ZNF736: variants seen among roughly 807,000 people sequenced by gnomAD.
ZNF736 encodes KRAB-containing zinc-finger repressor protein.
Under a neutral mutation model 11.7 loss-of-function variants are expected in ZNF736, and 6 were observed. The ratio of observed to expected loss-of-function variants is 0.51; its 90% CI spans 0.28 to 1.01. The LOEUF (loss-of-function observed/expected upper bound fraction) is 1.01, where lower values mean the gene tolerates loss of function less well. ZNF736 is among the 50% of genes least tolerant of loss of function. The pLI is 0.09. For synonymous variants in ZNF736, 139 were observed against 164.7 expected (o/e 0.84, Z 1.19); for missense variants, 444 against 496.0 (o/e 0.90, Z 1.00).
intron 1 of ZNF736, among the ~76,000 whole-genome samples, chr7:64,330,682 G>A (rs572862316): frequency 1.2e-4 from 18 of 152,220 alleles, no homozygotes; most frequent in South Asian, 1.0e-3. Flanking sequence ...GGTCTCACCC[G>A]CCGAAGGGCT....
rs555506460 is a variant in ZNF736 at position 64,353,644 on chromosome 7, G to A, written c.*4497G>A. On this transcript the variant is annotated 3_prime_UTR_variant, in exon 4 of 4. Transcript: ENST00000423484. Reference sequence around the variant, plus strand: ...ACAGATTTATATACTTTTCCATGGAGGATTAAGTAAACTGAAACCTAAGAC... The same window carrying A: ...ACAGATTTATATACTTTTCCATGGAAGATTAAGTAAACTGAAACCTAAGAC... 1.3e-5 allele frequency: 2 copies of A among 152,228 alleles called. No individual in the cohort carries two copies. Among genetic ancestry groups the A allele is most frequent in the Admixed American group, 6.5e-5 (1 of 15,288 alleles). 9.4% of individuals were successfully genotyped at this position (152,228 alleles called of 1,614,324 possible).
Position 64,354,207 on chromosome 7 carries a change from A to G in ZNF736, c.*5060A>G, listed in dbSNP as rs1369346787. On this transcript the variant is annotated 3_prime_UTR_variant, in exon 4 of 4. Transcript: ENST00000423484. ...TCTGAACAACTATTTATAAAATTTTATCCTACTTTTTTCTGTTGAACATAT... is the reference window on the plus strand; with the variant it reads ...TCTGAACAACTATTTATAAAATTTTGTCCTACTTTTTTCTGTTGAACATAT... 1 of 152,202 alleles carries G rather than the reference A, an allele frequency of 6.6e-6. No homozygotes were observed. The highest frequency in any genetic ancestry group is 1.5e-5 in the Non-Finnish European group (1 of 68,006). The allele number at this position is 152,202 out of a possible 1,614,324, so 9.4% of individuals were successfully genotyped here. A position where few individuals can be genotyped will look rare whatever the true frequency, so the allele number is the denominator to read the frequency against.
rs1290721975 is a variant in ZNF736, at chr7:64,352,348, AG to A, written c.*3203del. ...TTGCCAGCCCAAAAGCACCTGTAGGAGGTAGCTGGAAGCCCCTGTTGAAGGT... is the reference window on the plus strand; with the variant it reads ...TTGCCAGCCCAAAAGCACCTGTAGGAGTAGCTGGAAGCCCCTGTTGAAGGT... On this transcript the variant is annotated 3_prime_UTR_variant, in exon 4 of 4. Coordinates refer to ENST00000423484, the MANE Select transcript of ZNF736 (RefSeq NM_001170905.3). 1.3e-5 allele frequency: 2 copies of A among 152,166 alleles called. No homozygotes were observed. Among genetic ancestry groups the A allele is most frequent in the Admixed American group, 1.3e-4 (2 of 15,272 alleles). The allele number at this position is 152,166 out of a possible 1,614,324, so 9.4% of individuals were successfully genotyped here.
chr7:64,317,705 TTCAATCTCAA>T (rs1448188090), intron 1 of ZNF736, among the ~76,000 whole-genome samples: 1 of 152,142 alleles, frequency 6.6e-6, no homozygotes, highest in Non-Finnish European at 1.5e-5. Context: ...AACAGATGTA[TTCAATCTCAA>T]TCAGCTTTGA....
chr7:64,324,343 CG>C (rs964475190), intron 1 of ZNF736, among the ~76,000 whole-genome samples: 9 of 152,062 alleles, frequency 5.9e-5, no homozygotes, highest in Non-Finnish European at 1.0e-4. Flanking sequence ...AGGCAGGCCC[CG>C]GGCTGAAGGG....
chr7:64,354,461 G>A lies in ZNF736; in HGVS notation c.*5314G>A, dbSNP rs762197270. On this transcript the variant is annotated 3_prime_UTR_variant, in exon 4 of 4. Coordinates refer to ENST00000423484, the MANE Select transcript of ZNF736 (RefSeq NM_001170905.3). ...TTACCAGCAAACCAGAAACTTCAGA[G>A]ATTTTGAAAGCAAATCTATTTTCTC... 1.3e-5 allele frequency: 2 copies of A among 152,282 alleles called. No individual in the cohort carries two copies. Among genetic ancestry groups the A allele is most frequent in the Non-Finnish European group, 2.9e-5 (2 of 67,998 alleles). The allele number at this position is 152,282 out of a possible 1,614,324, so 9.4% of individuals were successfully genotyped here.
intron 3 of ZNF736, among the ~76,000 whole-genome samples, chr7:64,346,859 CAT>C (rs1392732831): frequency 1.3e-5 from 2 of 151,652 alleles, no homozygotes; most frequent in Admixed American, 1.3e-4. Flanking sequence ...CCATTTTACT[CAT>C]TGAGCATCAT....
chr7:64,340,065 C>G lies in ZNF736; in HGVS notation c.226+3083C>G, dbSNP rs572456987. 2.6e-5 allele frequency among the ~76,000 whole-genome samples: 4 copies of G among 152,202 alleles called. No individual in the cohort carries two copies. The South Asian group carries it at 8.3e-4, about 32-fold the overall frequency. ...TAATCCTGTCTTATTTCTTGGCAGACGGAATTGCCTTTAGGACTTGGATCT... is the reference window on the plus strand; with the variant it reads ...TAATCCTGTCTTATTTCTTGGCAGAGGGAATTGCCTTTAGGACTTGGATCT... On this transcript the variant is annotated intron_variant, in intron 3 of 3. Transcript: ENST00000423484.
At position 64,351,965 on chromosome 7, in the gene ZNF736, C is replaced by G. The variant is rs527632113; in HGVS notation, c.*2818C>G. The stretch of plus-strand genomic sequence containing the variant: ...TGCAGTTTGAGGTGTGAATAAGGCA[C>G]TTAGGGTTTGGGATTTTTTATTAGT... On this transcript the variant is annotated 3_prime_UTR_variant, in exon 4 of 4. Coordinates refer to ENST00000423484, the MANE Select transcript of ZNF736 (RefSeq NM_001170905.3). The G allele has an allele frequency of 6.6e-6, 1 of 152,220 alleles. No individual in the cohort carries two copies. Among genetic ancestry groups the G allele is most frequent in the South Asian group, 2.1e-4 (1 of 4,814 alleles). The allele number at this position is 152,220 out of a possible 1,614,324, so 9.4% of individuals were successfully genotyped here.
Position 64,348,071 on chromosome 7 carries a change from T to C in ZNF736, c.227-19T>C. On this transcript the variant is annotated intron_variant, in intron 3 of 3. Coordinates refer to ENST00000423484, the MANE Select transcript of ZNF736 (RefSeq NM_001170905.3). ...TTCACCTGAGTCTAATGAGGGAGAA[T>C]TTTATTTTTTTTCTCCAGCTGGTTC... is the stretch of plus-strand genomic sequence containing the variant. The C allele has an allele frequency of 6.8e-7, 1 of 1,470,520 alleles. No homozygotes were observed. Among genetic ancestry groups the C allele is most frequent in the Non-Finnish European group, 9.0e-7 (1 of 1,115,906 alleles). The allele number at this position is 1,470,520 out of a possible 1,614,324, so 91.1% of individuals were successfully genotyped here. A position where few individuals can be genotyped will look rare whatever the true frequency, so the allele number is the denominator to read the frequency against.
At chr7:64,341,555 CTG>C (rs1789338051) in intron 3 of ZNF736, among the ~76,000 whole-genome samples, 1 of 152,112 alleles carries the variant, frequency 6.6e-6, no homozygotes, top group Non-Finnish European at 1.5e-5. Context: ...CCTTAGATGA[CTG>C]TGGCATGGCA....
intron 1 of ZNF736, among the ~76,000 whole-genome samples, chr7:64,314,985 G>A (rs1348712200): frequency 2.0e-5 from 3 of 152,136 alleles, no homozygotes; most frequent in Non-Finnish European, 4.4e-5. Flanking sequence ...TTGTGGGCCC[G>A]GATTTCTCAC....
At chr7:64,325,567 G>A (rs936652580) in intron 1 of ZNF736, among the ~76,000 whole-genome samples, 1 of 152,098 alleles carries the variant, frequency 6.6e-6, no homozygotes, top group African/African-American at 2.4e-5. Flanking sequence ...TGAGTTCAAG[G>A]TCATGGCCTT....
Position 64,343,715 on chromosome 7 carries a change from C to T in ZNF736, c.227-4375C>T, listed in dbSNP as rs141225351. Among the ~76,000 whole-genome samples the T allele has an allele frequency of 3.8e-3, 576 of 151,856 alleles. 3 individuals are homozygous for T. The highest frequency in any genetic ancestry group is 0.012 in the African/African-American group (503 of 41,394). ...TAATTTTTTTTGTTAAATTTTGTTC[C>T]ACCATTTTATATTTTAGTGGCTTAT... On this transcript the variant is annotated intron_variant, in intron 3 of 3. Coordinates refer to ENST00000423484, the MANE Select transcript of ZNF736 (RefSeq NM_001170905.3).
At chr7:64,329,988 T>G (rs1257875341) in intron 1 of ZNF736, among the ~76,000 whole-genome samples, 1 of 152,026 alleles carries the variant, frequency 6.6e-6, no homozygotes, top group African/African-American at 2.4e-5. Context: ...CCTACTCTTT[T>G]TTCTCTTTTA....
intron 3 of ZNF736, among the ~76,000 whole-genome samples, chr7:64,339,541 T>C (rs2115942844): frequency 6.6e-6 from 1 of 152,310 alleles, no homozygotes; most frequent in South Asian, 2.1e-4. Flanking sequence ...GAAGAGACTA[T>C]ATTTTCTGCA....
In ZNF736 at chr7:64,348,204, A is replaced by T; in HGVS notation, c.341A>T (p.Lys114Met). Reference protein sequence around the residue: ...GSCDLNNLHLKKDYQSVGNCK... With the variant: ...GSCDLNNLHLMKDYQSVGNCK... ...TGTGACCTTAATAATTTACATTTAA[A>T]GAAAGACTACCAAAGTGTGGGTAAT... The change falls in exon 4 of 4, where the codon AAG (lysine) becomes ATG (methionine). Residue 114 changes from lysine (K) to methionine (M), a missense_variant. Coordinates refer to ENST00000423484, the MANE Select transcript of ZNF736 (RefSeq NM_001170905.3). 6.4e-7 allele frequency: 1 copy of T among 1,551,708 alleles called. No homozygotes were observed. Among genetic ancestry groups the T allele is most frequent in the Non-Finnish European group, 8.7e-7 (1 of 1,146,878 alleles).
At chr7:64,346,942 A>G (rs1390517684) in intron 3 of ZNF736, among the ~76,000 whole-genome samples, 8 of 151,668 alleles carry the variant, frequency 5.3e-5, no homozygotes, top group African/African-American at 1.9e-4. Context: ...ACTTTAATTC[A>G]AATTGTCTCA....
chr7:64,341,423 C>T (rs2115948382), intron 3 of ZNF736, among the ~76,000 whole-genome samples: 1 of 152,158 alleles, frequency 6.6e-6, no homozygotes, highest in East Asian at 1.9e-4. Flanking sequence ...ATGAGCCACG[C>T]TATAGATTTT....
Sources: allele counts gnomAD v4.1 joint callset (sites outside exome capture counted in the v4.1 genomes callset), GRCh38; gene constraint gnomAD v4.1.1; transcripts MANE v1.5; gene names NCBI Gene and HGNC (gene_info 2026-07-23, HGNC 2026-07-21).